NCAPG: variants seen among roughly 807,000 people sequenced by gnomAD.
NCAPG encodes non-SMC condensin I complex subunit G.
NCAPG carries 69 observed loss-of-function variants against 113.1 expected under a neutral mutation model. The ratio of observed to expected loss-of-function variants is 0.61; its 90% CI spans 0.50 to 0.75. NCAPG has a LOEUF of 0.75. Ranked by LOEUF, NCAPG falls within the 30% of genes least tolerant of loss-of-function variation. The pLI is 0.00. For missense variants in NCAPG, 1,058 were observed against 1,177.0 expected, an observed-to-expected ratio of 0.90 and a Z score of 1.48; for synonymous variants, 370 against 415.8, an observed-to-expected ratio of 0.89 and a Z score of 1.34.
intron 13 of NCAPG, among the ~76,000 whole-genome samples, chr4:17,833,416 G>A (rs893615323): frequency 8.1e-4 from 123 of 151,130 alleles, no homozygotes; most frequent in African/African-American, 2.7e-3. Context: ...CTGAGATTGC[G>A]CTATTATGCT....
At chr4:17,820,579 G>C (rs1437786596) in intron 7 of NCAPG, among the ~76,000 whole-genome samples, 1 of 151,974 alleles carries the variant, frequency 6.6e-6, no homozygotes, top group Non-Finnish European at 1.5e-5. Context: ...TCCAGCCTGG[G>C]CAACAGAGCA....
In NCAPG at chr4:17,825,062, GTC is replaced by G. The variant is rs767356939; in HGVS notation, c.1473+9_1473+10del. 14 of 1,606,776 alleles carry G rather than the reference GTC, an allele frequency of 8.7e-6. No individual in the cohort carries two copies. The East Asian group carries it at 1.3e-4, about 15-fold the overall frequency. ...GTAAGAAAGAAAGAACTCAAGGTAA[GTC>G]TCTTTTAAATGAAAGAAGTGCTTGA... is the stretch of plus-strand genomic sequence containing the variant. On this transcript the variant is annotated splice_donor_region_variant and intron_variant, in intron 10 of 20. Coordinates refer to ENST00000251496, the MANE Select transcript of NCAPG (RefSeq NM_022346.5).
intron 14 of NCAPG, 46 bp from the exon 15 acceptor site, chr4:17,837,113 A>G (rs2109063746): frequency 6.4e-7 from 1 of 1,561,286 alleles, no homozygotes; most frequent in East Asian, 2.2e-5. Context: ...GAGGCTTAAA[A>G]AGGAGATACA....
intron 20 of NCAPG, 186 bp from the exon 21 acceptor site, chr4:17,843,116 C>A: frequency 1.9e-6 from 1 of 514,458 alleles, no homozygotes; most frequent in Non-Finnish European, 3.4e-6. Context: ...TTCCCTGATT[C>A]ACTTTGCTAG....
In NCAPG at chr4:17,825,419, A is replaced by C; in HGVS notation, c.1511A>C (p.Glu504Ala). 2 of 1,594,522 alleles carry C rather than the reference A, an allele frequency of 1.3e-6. No homozygotes were observed. Among genetic ancestry groups the C allele is most frequent in the Non-Finnish European group, 8.5e-7 (1 of 1,175,240 alleles). The stretch of plus-strand genomic sequence containing the variant: ...AAAGTTAAGCTTATCGAAGCCAAAG[A>C]AGCTTTGGAAAATTGCATTACCTTA... ...EIKVKLIEAK[E>A]ALENCITLQD... Residue 504 changes from glutamate to alanine, a missense_variant, in exon 11 of 21, where the codon GAA becomes GCA. By Grantham distance (107) the Glu-to-Ala change is moderately radical (BLOSUM62 -1). Coordinates refer to ENST00000251496, the MANE Select transcript of NCAPG (RefSeq NM_022346.5).
rs1721137185 is a variant in NCAPG, at chr4:17,814,888, G to A, written c.580G>A (p.Glu194Lys). The part of the protein sequence containing the change: ...ATLIENDSNP[E>K]VRRAVLSCIA... ...TTTGATTGAAAATGATTCAAATCCA[G>A]AAGTTAGACGGGCAGTGTTATCATG... is the stretch of plus-strand genomic sequence containing the variant. The change falls in exon 4 of 21, where the codon GAA becomes AAA. Residue 194 changes from glutamate to lysine, a missense_variant. By Grantham distance (56) the Glu-to-Lys change is moderately conservative. Transcript: ENST00000251496. 1.9e-6 allele frequency: 3 copies of A among 1,614,140 alleles called. No individual in the cohort carries two copies. The highest frequency in any genetic ancestry group is 2.5e-6 in the Non-Finnish European group (3 of 1,180,018).
At chr4:17,834,749 C>G (rs1003784367) in intron 14 of NCAPG, among the ~76,000 whole-genome samples, 1 of 152,130 alleles carries the variant, frequency 6.6e-6, no homozygotes, top group South Asian at 2.1e-4. Flanking sequence ...CCCCTATCCC[C>G]TGATAGGTCC....
intron 11 of NCAPG, among the ~76,000 whole-genome samples, chr4:17,827,137 G>A (rs867755733): frequency 3.3e-5 from 5 of 152,226 alleles, no homozygotes; most frequent in Non-Finnish European, 5.9e-5. Context: ...TGGTCCAGAA[G>A]TTAAAGAATG....
Position 17,812,443 on chromosome 4 carries a change from C to T in NCAPG, c.315+19C>T. On this transcript the variant is annotated intron_variant, in intron 2 of 20. Transcript: ENST00000251496. The stretch of plus-strand genomic sequence containing the variant: ...CTTAAAGGTACTATGAAAATGATAG[C>T]TTTGGGGAGGGATTTTAGAAAATTT... The T allele has an allele frequency of 6.3e-7, 1 of 1,598,770 alleles. No homozygotes were observed. The highest frequency in any genetic ancestry group is 2.2e-5 in the East Asian group (1 of 44,678).
rs1221456293 is a variant in NCAPG, at chr4:17,823,642, T to A, written c.1260-5T>A. The A allele has an allele frequency of 1.2e-5, 19 of 1,604,032 alleles. No individual in the cohort carries two copies. Among genetic ancestry groups the A allele is most frequent in the Non-Finnish European group, 1.6e-5 (19 of 1,174,898 alleles). ...AATATTTAAATTAGTTCTTTTTGAC[T>A]GCAGAAAAAAACTGCTGGCTGTTTT... On this transcript the variant is annotated splice_polypyrimidine_tract_variant and splice_region_variant and intron_variant, in intron 8 of 20. Coordinates refer to ENST00000251496, the MANE Select transcript of NCAPG (RefSeq NM_022346.5).
intron 11 of NCAPG, among the ~76,000 whole-genome samples, chr4:17,826,704 A>G (rs1721669827): frequency 6.6e-6 from 1 of 152,214 alleles, no homozygotes; most frequent in African/African-American, 2.4e-5. Context: ...AAATGCAACT[A>G]CAACAGAGCA....
Position 17,811,095 on chromosome 4 carries a change from G to T in NCAPG, c.18G>T (p.Arg6Ser), listed in dbSNP as rs902098884. The T allele has an allele frequency of 1.3e-6, 2 of 1,527,652 alleles. No individual in the cohort carries two copies. The highest frequency in any genetic ancestry group is 2.8e-5 in the African/African-American group (2 of 70,352). 94.6% of individuals were successfully genotyped at this position (1,527,652 alleles called of 1,614,324 possible). ...CCAGAGCCATGGGAGCGGAAAGGAGGCTGCTGTCGATTAAGGAGGCCTTTC... is the reference window on the plus strand; with the variant it reads ...CCAGAGCCATGGGAGCGGAAAGGAGTCTGCTGTCGATTAAGGAGGCCTTTC... MGAER[R>S]LLSIKEAFRL... The change falls in exon 1 of 21, where the codon AGG becomes AGT. Residue 6 changes from arginine (R) to serine (S), a missense_variant. Coordinates refer to ENST00000251496, the MANE Select transcript of NCAPG (RefSeq NM_022346.5). This position sits in a 1 kb window ranked among gnomAD's most constrained non-coding sequence, Gnocchi z 5.3.
At chr4:17,823,611 CA>C (rs749058616) in intron 8 of NCAPG, 35 bp from the exon 9 acceptor site, 1 of 1,569,706 alleles carries the variant, frequency 6.4e-7, no homozygotes, top group South Asian at 1.1e-5. Flanking sequence ...CATGTTTTGT[CA>C]TAATAATATT....
In NCAPG at chr4:17,844,537, A is replaced by ATAGT. The variant is rs1222840608; in HGVS notation, c.*1115_*1118dup. ...AAAGGAGTCAAAGTTTCAAAGCAAG[A>ATAGT]TAGTTATTAAGCAAAAGGAAAAATG... On this transcript the variant is annotated 3_prime_UTR_variant, in exon 21 of 21. Coordinates refer to ENST00000251496, the MANE Select transcript of NCAPG (RefSeq NM_022346.5). 2.0e-5 allele frequency: 3 copies of ATAGT among 152,456 alleles called. No individual in the cohort carries two copies. The highest frequency in any genetic ancestry group is 7.2e-5 in the African/African-American group (3 of 41,458). The allele number at this position is 152,456 out of a possible 1,614,324, so 9.4% of individuals were successfully genotyped here.
Position 17,840,697 on chromosome 4 carries a change from G to A in NCAPG, c.2854+4G>A. 1 of 1,485,386 alleles carries A rather than the reference G, an allele frequency of 6.7e-7. No homozygotes were observed. The highest frequency in any genetic ancestry group is 1.5e-5 in the South Asian group (1 of 67,260). The allele number at this position is 1,485,386 out of a possible 1,614,324, so 92.0% of individuals were successfully genotyped here. A position where few individuals can be genotyped will look rare whatever the true frequency, so the allele number is the denominator to read the frequency against. On this transcript the variant is annotated splice_donor_region_variant and intron_variant, in intron 19 of 20. Coordinates refer to ENST00000251496, the MANE Select transcript of NCAPG (RefSeq NM_022346.5). ...ACTCAGCTAAAGACTAACAGAGGTA[G>A]TGTGTGGATTGACCATCTTTATGAT... is the stretch of plus-strand genomic sequence containing the variant.
chr4:17,836,391 G>T (rs1431626591), intron 14 of NCAPG, among the ~76,000 whole-genome samples: 3 of 152,082 alleles, frequency 2.0e-5, no homozygotes, highest in Non-Finnish European at 4.4e-5. Context: ...TTTACAGGTT[G>T]TCTTTTTACT....
At chr4:17,821,131 A>C (rs1012309133) in intron 7 of NCAPG, among the ~76,000 whole-genome samples, 4 of 152,096 alleles carry the variant, frequency 2.6e-5, no homozygotes, top group Non-Finnish European at 5.9e-5. Context: ...AAAAAAAAAA[A>C]CTCAGTCAAG....
At position 17,823,763 on chromosome 4, in the gene NCAPG, C is replaced by T; in HGVS notation, c.1376C>T (p.Thr459Ile). Residue 459 changes from threonine to isoleucine, a missense_variant, in exon 9 of 21, where the codon ACA becomes ATA. Transcript: ENST00000251496. ...LHIIIDDNKRTQIVTEIISEI... is the reference protein window; with the variant it reads ...LHIIIDDNKRIQIVTEIISEI... ...ATCATTATAGATGATAATAAGAGAA[C>T]ACAAATTGTAAGTAATTTTCCTCAT... The T allele has an allele frequency of 6.3e-7, 1 of 1,591,672 alleles. No individual in the cohort carries two copies. Among genetic ancestry groups the T allele is most frequent in the Non-Finnish European group, 8.6e-7 (1 of 1,164,336 alleles).
intron 12 of NCAPG, among the ~76,000 whole-genome samples, chr4:17,829,269 CTG>C (rs1721777331): frequency 6.6e-6 from 1 of 152,158 alleles, no homozygotes; most frequent in African/African-American, 2.4e-5. Flanking sequence ...TCTCTCAAAA[CTG>C]TATTTACTTG....
Sources: allele counts gnomAD v4.1 joint callset (sites outside exome capture counted in the v4.1 genomes callset), GRCh38; gene constraint gnomAD v4.1.1; non-coding constraint Gnocchi (gnomAD v3.1); transcripts MANE v1.5; gene names NCBI Gene and HGNC (gene_info 2026-07-23, HGNC 2026-07-21).